Variants in GRM8 observed in about 807,000 individuals in gnomAD.
The protein encoded by GRM8 is metabotropic glutamate receptor 8.
Under a neutral mutation model 87.2 loss-of-function variants are expected in GRM8, and 47 were observed. The observed-to-expected ratio is 0.54, with a 90% CI of 0.43 to 0.69. The LOEUF (loss-of-function observed/expected upper bound fraction) is 0.69. Ranked by LOEUF, GRM8 falls within the 30% of genes least tolerant of loss-of-function variation. The pLI, the probability that GRM8 is intolerant of heterozygous loss-of-function variation, is 0.00. For synonymous variants in GRM8, 396 were observed against 404.5 expected (o/e 0.98, Z 0.25); for missense variants, 1,019 against 1,139.2 (o/e 0.89, Z 1.52).
At chr7:126,867,759 C>T (rs1451345574) in intron 6 of GRM8, among the ~76,000 whole-genome samples, 1 of 152,072 alleles carries the variant, frequency 6.6e-6, no homozygotes, top group East Asian at 1.9e-4. Flanking sequence ...GGAGACAAGA[C>T]AAGAAACCCA....
intron 3 of GRM8, among the ~76,000 whole-genome samples, chr7:127,063,542 C>T (rs1457245424): frequency 6.6e-6 from 1 of 152,030 alleles, no homozygotes; most frequent in Non-Finnish European, 1.5e-5. Context: ...CACCACTGCA[C>T]TCCAACCTGG....
At chr7:126,958,147 A>G (rs1285186964) in intron 3 of GRM8, among the ~76,000 whole-genome samples, 1 of 152,142 alleles carries the variant, frequency 6.6e-6, no homozygotes, top group South Asian at 2.1e-4. Context: ...TTGCTCAATG[A>G]AGCTCCTCTC....
intron 3 of GRM8, among the ~76,000 whole-genome samples, chr7:126,930,257 T>G (rs900680373): frequency 2.0e-5 from 3 of 152,234 alleles, no homozygotes; most frequent in Admixed American, 6.5e-5. Flanking sequence ...CTGTGCCTGT[T>G]TTCTCCTTAT....
chr7:126,553,925 C>G (rs1792864985), intron 8 of GRM8, among the ~76,000 whole-genome samples: 1 of 152,170 alleles, frequency 6.6e-6, no homozygotes, highest in Admixed American at 6.5e-5. Flanking sequence ...TCATTACTCA[C>G]CAAATTGCAA....
At chr7:126,976,770 C>A (rs957073367) in intron 3 of GRM8, among the ~76,000 whole-genome samples, 2 of 152,002 alleles carry the variant, frequency 1.3e-5, no homozygotes, top group South Asian at 4.1e-4. Flanking sequence ...ATAATGACAA[C>A]TTAGAAACAG....
In GRM8 at chr7:126,936,526, G is replaced by A. The variant is rs1334535600; in HGVS notation, c.728-31843C>T. On this transcript the variant is annotated intron_variant, in intron 3 of 10. Coordinates refer to ENST00000339582, the MANE Select transcript of GRM8 (RefSeq NM_000845.3). The stretch of plus-strand genomic sequence containing the variant: ...ATTTAGGCAAATGGCTATCCCACTG[G>A]AGACTACACCTCCCTACTTCCAACA... 2.0e-5 allele frequency among the ~76,000 whole-genome samples: 3 copies of A among 151,684 alleles called. No homozygotes were observed. In the East Asian group the frequency reaches 5.8e-4, roughly 29 times the overall value.
rs17866578 is a variant in GRM8 at position 127,227,693 on chromosome 7, A to T, written c.510+15002T>A. ...CCATGGAAAACTTCCTGATACATAA[A>T]CTGCTCTGACCATCTGTAATAATAC... On this transcript the variant is annotated intron_variant, in intron 2 of 10. Transcript: ENST00000339582. 1.1e-4 allele frequency among the ~76,000 whole-genome samples: 16 copies of T among 152,350 alleles called. No individual in the cohort carries two copies. In the East Asian group the frequency reaches 1.9e-3, roughly 18 times the overall value.
chr7:127,209,240 A>C (rs550414570), intron 2 of GRM8, among the ~76,000 whole-genome samples: 1 of 152,228 alleles, frequency 6.6e-6, no homozygotes, highest in African/African-American at 2.4e-5. Flanking sequence ...GCACTGGATA[A>C]GGAGCAGGGA....
intron 7 of GRM8, among the ~76,000 whole-genome samples, chr7:126,729,981 T>C (rs1365441265): frequency 6.6e-6 from 1 of 151,994 alleles, no homozygotes; most frequent in Non-Finnish European, 1.5e-5. Flanking sequence ...AAATATAGTA[T>C]CAGATATGCA....
intron 8 of GRM8, among the ~76,000 whole-genome samples, chr7:126,603,245 A>T (rs1295043993): frequency 1.4e-5 from 2 of 147,300 alleles, no homozygotes; most frequent in Non-Finnish European, 3.0e-5. Flanking sequence ...TCAAAATAAT[A>T]AGAGCTATCT....
intron 8 of GRM8, among the ~76,000 whole-genome samples, chr7:126,553,611 T>C (rs1227026790): frequency 6.6e-6 from 1 of 152,166 alleles, no homozygotes; most frequent in Non-Finnish European, 1.5e-5. Context: ...ACATGAACCC[T>C]CTAGTACATC....
chr7:126,608,433 C>G (rs1460675978), intron 8 of GRM8, among the ~76,000 whole-genome samples: 1 of 152,152 alleles, frequency 6.6e-6, no homozygotes, highest in Non-Finnish European at 1.5e-5. Flanking sequence ...GGTGCGGCAC[C>G]TGGCAGGCAA....
intron 3 of GRM8, among the ~76,000 whole-genome samples, chr7:127,037,200 T>C (rs1223139782): frequency 6.6e-6 from 1 of 152,142 alleles, no homozygotes; most frequent in Non-Finnish European, 1.5e-5. Flanking sequence ...ATCTTCTCAC[T>C]AGGAAAAAAA....
At chr7:126,939,631 C>A (rs1157114857) in intron 3 of GRM8, among the ~76,000 whole-genome samples, 1 of 152,154 alleles carries the variant, frequency 6.6e-6, no homozygotes, top group Admixed American at 6.5e-5. Flanking sequence ...GTATTTGAGA[C>A]CCACTGGTTG....
chr7:126,881,934 T>A (rs934722159), intron 6 of GRM8, among the ~76,000 whole-genome samples: 1 of 152,042 alleles, frequency 6.6e-6, no homozygotes, highest in Non-Finnish European at 1.5e-5. Flanking sequence ...AAAGAATGAG[T>A]CATAAAAGAC....
intron 7 of GRM8, among the ~76,000 whole-genome samples, chr7:126,757,508 A>G (rs1817145969): frequency 6.6e-6 from 1 of 152,220 alleles, no homozygotes; most frequent in African/African-American, 2.4e-5. Context: ...AGCTTTCTTA[A>G]GCAGGATTGA....
In GRM8 at chr7:126,533,268, A is replaced by G; in HGVS notation, c.2114T>C (p.Val705Ala). 1 of 1,613,752 alleles carries G rather than the reference A, an allele frequency of 6.2e-7. No homozygotes were observed. Among genetic ancestry groups the G allele is most frequent in the Non-Finnish European group, 8.5e-7 (1 of 1,179,934 alleles). Reference protein sequence around the residue: ...QLVITFSLISVQLLGVFVWFV... With the variant: ...QLVITFSLISAQLLGVFVWFV... ...CCAGACAAACACTCCAAGGAGCTGG[A>G]CGGAGATGAGGCTGAAGGTGATCAC... is the stretch of plus-strand genomic sequence containing the variant. Residue 705 changes from valine to alanine, a missense_variant, in exon 9 of 11, where the codon GTC becomes GCC. Coordinates refer to ENST00000339582, the MANE Select transcript of GRM8 (RefSeq NM_000845.3).
intron 7 of GRM8, among the ~76,000 whole-genome samples, chr7:126,642,406 A>T: frequency 6.6e-6 from 1 of 152,174 alleles, no homozygotes; most frequent in East Asian, 1.9e-4. Flanking sequence ...TGGGAGGCTG[A>T]GGCGGGCAGA....
Position 126,709,872 on chromosome 7 carries a change from C to T in GRM8, c.1357+59993G>A, listed in dbSNP as rs558469950. 4.6e-5 allele frequency among the ~76,000 whole-genome samples: 7 copies of T among 152,116 alleles called. No individual in the cohort carries two copies. The South Asian group carries it at 8.3e-4, about 18-fold the overall frequency. On this transcript the variant is annotated intron_variant, in intron 7 of 10. Transcript: ENST00000339582. ...AGAAAACTCGTCACTTGCAACAACG[C>T]GGATGAACTCAGGGGACATAATGCT...
Sources: gnomAD v4.1 joint callset for allele counts (sites outside exome capture counted in the v4.1 genomes callset) on GRCh38, gnomAD v4.1.1 for gene constraint, MANE v1.5 for transcripts, NCBI Gene and HGNC (gene_info 2026-07-23, HGNC 2026-07-21) for gene names.